COL5A1: variants seen among roughly 807,000 people sequenced by gnomAD.
COL5A1 encodes the protein collagen alpha-1(V) chain.
COL5A1 carries 16 observed loss-of-function variants against 263.7 expected under a neutral mutation model. The ratio of observed to expected loss-of-function variants is 0.06; its 90% confidence interval spans 0.04 to 0.09. The LOEUF is 0.09. Ranked by LOEUF, COL5A1 falls within the 10% of genes least tolerant of loss-of-function variation. The pLI is 1.00. For missense variants in COL5A1, 2,036 were observed against 2,540.5 expected (o/e 0.80, Z 4.27); for synonymous variants, 1,012 against 1,004.5 (o/e 1.01, Z -0.14).
At chr9:134,822,720 G>GCC (rs751574545) in intron 59 of COL5A1, among the ~76,000 whole-genome samples, 8 of 141,764 alleles carry the variant, frequency 5.6e-5, no homozygotes, top group African/African-American at 2.3e-4. Flanking sequence ...TTTCCGCTGC[G>GCC]CCCCCCCCGC....
At chr9:134,750,412 G>A (rs1835731522) in intron 11 of COL5A1, 130 bp from the exon 12 acceptor site, 2 of 807,362 alleles carry the variant, frequency 2.5e-6, no homozygotes, top group Admixed American at 3.9e-5. Context: ...CTGCCACGGG[G>A]TCTCACAGCT....
At position 134,757,973 on chromosome 9, in the gene COL5A1, C is replaced by A. The variant is rs1836045756; in HGVS notation, c.1882-270C>A. Among the ~76,000 whole-genome samples the A allele has an allele frequency of 6.6e-6, 1 of 152,230 alleles. No homozygotes were observed. The highest frequency in any genetic ancestry group is 2.4e-5 in the African/African-American group (1 of 41,470). On this transcript the variant is annotated intron_variant, in intron 17 of 65. Transcript: ENST00000371817. The surrounding 1 kb of genome is among the most constrained non-coding windows in gnomAD (Gnocchi z 6.2). ...AACTGCAGCGGTCGCTGAAATACCG[C>A]ATGACTAAGGACCCGTCGGGGCCTG...
chr9:134,697,758 C>A (rs959062179), intron 2 of COL5A1, among the ~76,000 whole-genome samples: 19 of 152,122 alleles, frequency 1.2e-4, no homozygotes, highest in African/African-American at 4.6e-4. Context: ...ATAGGTGGGA[C>A]CAGCTAAGGC....
chr9:134,818,759 C>T lies in COL5A1; in HGVS notation c.4334C>T (p.Pro1445Leu), dbSNP rs1348263623. Residue 1445 changes from proline (P) to leucine (L), a missense_variant, in exon 55 of 66, where the codon CCT becomes CTT. Pro to Leu is a moderately conservative substitution (Grantham distance 98). Around this residue, in one of 3 missense-constraint regions of COL5A1, gnomAD observed 1,078 missense variants for 1,521.4 expected, o/e 0.71. Coordinates refer to ENST00000371817, the MANE Select transcript of COL5A1 (RefSeq NM_000093.5). The surrounding 1 kb of genome is among the most constrained non-coding windows in gnomAD (Gnocchi z 6.0). ...GPDGLRGIPG[P>L]VGEQGLPGSP... is the part of the protein sequence containing the mutation. ...GATGGCCTTCGAGGGATCCCTGGCC[C>T]TGTGGTGAGTAGGCTGTGAGGGGCA... 1 of 1,612,568 alleles carries T rather than the reference C, an allele frequency of 6.2e-7. No homozygotes were observed.
intron 42 of COL5A1, among the ~76,000 whole-genome samples, chr9:134,806,586 A>G (rs1564471656): frequency 6.6e-6 from 1 of 152,188 alleles, no homozygotes; most frequent in African/African-American, 2.4e-5. Context: ...CCACGCGTGC[A>G]TGCTGGTGTT....
At chr9:134,838,801 C>A (rs932422928) in intron 65 of COL5A1, among the ~76,000 whole-genome samples, 2 of 152,204 alleles carry the variant, frequency 1.3e-5, no homozygotes, top group African/African-American at 4.8e-5. Flanking sequence ...AACTGCCTAA[C>A]CCCAGATGGC....
chr9:134,708,419 C>CGGCG (rs1554782803), intron 4 of COL5A1: 2 of 357,050 alleles, frequency 5.6e-6, no homozygotes, highest in African/African-American at 4.5e-5. Flanking sequence ...GAGCAACTCC[C>CGGCG]GGGGTGGGGG....
chr9:134,759,221 C>G (rs1027105325), intron 18 of COL5A1, among the ~76,000 whole-genome samples: 1 of 145,450 alleles, frequency 6.9e-6, no homozygotes, highest in Non-Finnish European at 1.5e-5. Context: ...TGCACACACA[C>G]ACCCACACAT....
At chr9:134,658,457 C>T (rs1185932337) in intron 1 of COL5A1, among the ~76,000 whole-genome samples, 1 of 152,194 alleles carries the variant, frequency 6.6e-6, no homozygotes, top group Non-Finnish European at 1.5e-5. Context: ...GCCCCCGCCC[C>T]TGCACGTCCC....
chr9:134,840,713 T>G (rs1839998446), intron 65 of COL5A1, among the ~76,000 whole-genome samples: 1 of 152,172 alleles, frequency 6.6e-6, no homozygotes, highest in Admixed American at 6.5e-5. Context: ...TGTGAGCAGG[T>G]TGCTGGCAAG....
At position 134,795,095 on chromosome 9, in the gene COL5A1, A is replaced by G; in HGVS notation, c.2714A>G (p.Lys905Arg). The G allele has an allele frequency of 6.2e-7, 1 of 1,614,084 alleles. No homozygotes were observed. Among genetic ancestry groups the G allele is most frequent in the Non-Finnish European group, 8.5e-7 (1 of 1,180,016 alleles). Residue 905 changes from lysine (K) to arginine (R), a missense_variant, in exon 33 of 66, where the codon AAG becomes AGG. Physicochemically the swap from Lys to Arg is conservative, Grantham distance 26. Coordinates refer to ENST00000371817, the MANE Select transcript of COL5A1 (RefSeq NM_000093.5). ...CTCTGATTCTAGGGGACCCCTGGAA[A>G]GCCAGGACCGCGGGGGCAGCGAGGC... ...GEKGGRGTPG[K>R]PGPRGQRGPT...
chr9:134,698,359 C>A (rs927529177), intron 2 of COL5A1, among the ~76,000 whole-genome samples: 2 of 152,222 alleles, frequency 1.3e-5, no homozygotes, highest in African/African-American at 4.8e-5. Flanking sequence ...CCTGTCAGTG[C>A]CTTAGTGAGA....
At chr9:134,667,216 G>C (rs1028445617) in intron 1 of COL5A1, among the ~76,000 whole-genome samples, 3 of 152,314 alleles carry the variant, frequency 2.0e-5, no homozygotes, top group Non-Finnish European at 4.4e-5. Context: ...TTCACCCGTG[G>C]AATGGATGCA....
In COL5A1 at chr9:134,681,030, T is replaced by C. The variant is rs1363696725; in HGVS notation, c.110-9882T>C. On this transcript the variant is annotated intron_variant, in intron 1 of 65. Coordinates refer to ENST00000371817, the MANE Select transcript of COL5A1 (RefSeq NM_000093.5). The surrounding 1 kb of genome is among the most constrained non-coding windows in gnomAD (Gnocchi z 4.3). ...TGCAGCCCCAGGCCCTCTGTGCATT[T>C]CCCACCCCCTGCCCCTTTGCTTTGC... Among the ~76,000 whole-genome samples the C allele has an allele frequency of 6.6e-6, 1 of 152,176 alleles. No individual in the cohort carries two copies. The highest frequency in any genetic ancestry group is 2.4e-5 in the African/African-American group (1 of 41,442).
At chr9:134,660,552 A>G (rs4335205) in intron 1 of COL5A1, among the ~76,000 whole-genome samples, 91,881 of 152,072 alleles carry the variant, frequency 0.6, 29,815 homozygotes, top group Non-Finnish European at 0.75. Flanking sequence ...TCAAAGCCTC[A>G]AACTTCAGTG....
chr9:134,643,579 G>A (rs996414280), intron 1 of COL5A1, among the ~76,000 whole-genome samples: 8 of 152,160 alleles, frequency 5.3e-5, no homozygotes, highest in African/African-American at 1.4e-4. Flanking sequence ...GGCTCTGGGG[G>A]AGGAGCCAGG....
chr9:134,747,883 AC>A (rs1393082068), intron 11 of COL5A1, among the ~76,000 whole-genome samples: 1 of 151,586 alleles, frequency 6.6e-6, no homozygotes, highest in African/African-American at 2.4e-5. Flanking sequence ...ACACATGCAC[AC>A]ATGCATTCAT....
At chr9:134,808,690 ATG>A (rs532482964) in intron 42 of COL5A1, among the ~76,000 whole-genome samples, 6 of 152,150 alleles carry the variant, frequency 3.9e-5, no homozygotes, top group East Asian at 1.9e-4. Context: ...ATGTATGCAC[ATG>A]TGTGTGCGTA....
At chr9:134,703,762 C>T (rs1833751119) in intron 4 of COL5A1, among the ~76,000 whole-genome samples, 1 of 151,506 alleles carries the variant, frequency 6.6e-6, no homozygotes, top group South Asian at 2.1e-4. Context: ...CTCAGCCTCT[C>T]GAGTAGCTGG....
Sources: allele counts gnomAD v4.1 joint callset (sites outside exome capture counted in the v4.1 genomes callset), GRCh38; gene constraint gnomAD v4.1.1; regional missense constraint gnomAD v4.1.1; non-coding constraint Gnocchi (gnomAD v3.1); transcripts MANE v1.5; gene names NCBI Gene and HGNC (gene_info 2026-07-23, HGNC 2026-07-21).